The following KREMEN1 variants were observed in gnomAD, a reference collection of about 807,000 sequenced individuals.
The protein encoded by KREMEN1 is kringle containing transmembrane protein 1.
In KREMEN1, 30 loss-of-function variants were observed where a neutral mutation model predicts 46.5. The ratio of observed to expected loss-of-function variants is 0.65; its 90% confidence interval spans 0.48 to 0.88. The LOEUF is 0.88. Ranked by LOEUF, KREMEN1 falls within the 40% of genes least tolerant of loss-of-function variation. The pLI, the probability that KREMEN1 is intolerant of heterozygous loss-of-function variation, is 0.00. For synonymous variants in KREMEN1, 214 were observed against 230.6 expected (o/e 0.93, Z 0.65); for missense variants, 533 against 596.9 (o/e 0.89, Z 1.11).
At chr22:29,148,117 A>G (rs1055954941), downstream of KREMEN1, among the ~76,000 whole-genome samples, 2 of 152,180 alleles carry the variant, frequency 1.3e-5, no homozygotes, top group African/African-American at 4.8e-5. Context: ...AAGGAATGTA[A>G]AAGGAGCCAG....
At chr22:29,135,615 T>C (rs986149749) in intron 5 of KREMEN1, among the ~76,000 whole-genome samples, 16 of 152,138 alleles carry the variant, frequency 1.1e-4, no homozygotes, top group African/African-American at 3.9e-4. Flanking sequence ...AAGCACTGAG[T>C]GGAGGTCTGT....
In KREMEN1 at chr22:29,142,195, C is replaced by CA; in HGVS notation, c.*84dup. Reference sequence around the variant, plus strand: ...AACCTCTCCTGTGGTTCTTCTCTGACAGACTCTTCCCCTCCTCTCCCTCTG... The same window carrying CA: ...AACCTCTCCTGTGGTTCTTCTCTGACAAGACTCTTCCCCTCCTCTCCCTCTG... On this transcript the variant is annotated 3_prime_UTR_variant, in exon 9 of 9. Transcript: ENST00000400335. 1 of 1,447,370 alleles carries CA rather than the reference C, an allele frequency of 6.9e-7. No homozygotes were observed. The highest frequency in any genetic ancestry group is 9.1e-7 in the Non-Finnish European group (1 of 1,100,822). The allele number at this position is 1,447,370 out of a possible 1,614,324, so 89.7% of individuals were successfully genotyped here. A position where few individuals can be genotyped will look rare whatever the true frequency, so the allele number is the denominator to read the frequency against.
At chr22:29,131,550 ATATATATATATGTG>A (rs1436756368) in intron 5 of KREMEN1, among the ~76,000 whole-genome samples, 1 of 62,682 alleles carries the variant, frequency 1.6e-5, no homozygotes, top group African/African-American at 6.9e-5. Context: ...ATATATATAT[ATATATATATATGTG>A]TGTGTGTGTG....
chr22:29,111,690 A>G (rs1434953270), intron 3 of KREMEN1: 7 of 151,830 alleles, frequency 4.6e-5, no homozygotes, highest in Non-Finnish European at 7.4e-5. Context: ...TTAGGAAAAA[A>G]AAAAAAGGAG....
intron 1 of KREMEN1, among the ~76,000 whole-genome samples, chr22:29,076,725 G>A (rs2037578169): frequency 6.6e-6 from 1 of 152,142 alleles, no homozygotes; most frequent in Admixed American, 6.5e-5. Context: ...GGTGGCACGT[G>A]CCTGTAATCC....
At chr22:29,118,269 A>C (rs1226931805) in intron 3 of KREMEN1, among the ~76,000 whole-genome samples, 2 of 152,226 alleles carry the variant, frequency 1.3e-5, no homozygotes, top group Non-Finnish European at 2.9e-5. Context: ...AGCAAGATGA[A>C]GTCATAATCT....
chr22:29,084,793 T>C (rs2145744421), intron 1 of KREMEN1, among the ~76,000 whole-genome samples: 1 of 152,294 alleles, frequency 6.6e-6, no homozygotes, highest in East Asian at 1.9e-4. Flanking sequence ...CATCTCTTAG[T>C]AGAGATAGAT....
At position 29,138,751 on chromosome 22, in the gene KREMEN1, C is replaced by A. The variant is rs2038711586; in HGVS notation, c.1092C>A (p.Thr364=). Residue 364 remains threonine (T), a synonymous_variant, in exon 7 of 9, where the codon ACC becomes ACA. Coordinates refer to ENST00000400335, the MANE Select transcript of KREMEN1 (RefSeq NM_001039570.3). ...RSSKVLYVIT[T]SPSHPPQTVP... is the part of the protein sequence containing the mutation. Reference sequence around the variant, plus strand: ...CCAAAGTCCTCTATGTCATCACCACCAGCCCCAGCCACCCACCTCAGACTG... The same window carrying A: ...CCAAAGTCCTCTATGTCATCACCACAAGCCCCAGCCACCCACCTCAGACTG... The A allele has an allele frequency of 6.2e-7, 1 of 1,614,112 alleles. No individual in the cohort carries two copies. Among genetic ancestry groups the A allele is most frequent in the African/African-American group, 1.3e-5 (1 of 74,932 alleles).
In KREMEN1 at chr22:29,142,349, C is replaced by T. The variant is rs1173637793; in HGVS notation, c.*237C>T. The T allele has an allele frequency of 1.2e-5, 15 of 1,213,406 alleles. No individual in the cohort carries two copies. The highest frequency in any genetic ancestry group is 3.6e-5 in the East Asian group (1 of 27,580). The allele number at this position is 1,213,406 out of a possible 1,614,324, so 75.2% of individuals were successfully genotyped here. A position where few individuals can be genotyped will look rare whatever the true frequency, so the allele number is the denominator to read the frequency against. On this transcript the variant is annotated 3_prime_UTR_variant, in exon 9 of 9. Transcript: ENST00000400335. ...AGGAGAGAGACTCAAAGCCCTGGGG[C>T]CCGGCCCTCTCTGCATCTCTCTCTG... is the stretch of plus-strand genomic sequence containing the variant.
chr22:29,115,073 C>T (rs982656107), intron 3 of KREMEN1, among the ~76,000 whole-genome samples: 3 of 152,214 alleles, frequency 2.0e-5, no homozygotes, highest in African/African-American at 4.8e-5. Context: ...CACTTTCACT[C>T]TACCTTATTC....
At position 29,144,177 on chromosome 22, in the gene KREMEN1, C is replaced by T. The variant is rs892863873; in HGVS notation, c.*2065C>T. The T allele has an allele frequency of 4.1e-6, 4 of 985,532 alleles. No individual in the cohort carries two copies. The highest frequency in any genetic ancestry group is 1.2e-6 in the Non-Finnish European group (1 of 830,088). 61.0% of individuals were successfully genotyped at this position (985,532 alleles called of 1,614,324 possible). A position where few individuals can be genotyped will look rare whatever the true frequency, so the allele number is the denominator to read the frequency against. ...TGGCTTTGGCGTTTCCTCTTTGCAGCACTTTGCCTACCTCCCCCAAGCCCT... is the reference window on the plus strand; with the variant it reads ...TGGCTTTGGCGTTTCCTCTTTGCAGTACTTTGCCTACCTCCCCCAAGCCCT... On this transcript the variant is annotated 3_prime_UTR_variant, in exon 9 of 9. Coordinates refer to ENST00000400335, the MANE Select transcript of KREMEN1 (RefSeq NM_001039570.3).
At chr22:29,140,012 C>A (rs1420900753) in intron 7 of KREMEN1, among the ~76,000 whole-genome samples, 1 of 151,918 alleles carries the variant, frequency 6.6e-6, no homozygotes, top group Non-Finnish European at 1.5e-5. Context: ...GCATGTCATC[C>A]CTTTAGATTC....
At chr22:29,147,478 G>C (rs1331039920), downstream of KREMEN1, among the ~76,000 whole-genome samples, 2 of 152,230 alleles carry the variant, frequency 1.3e-5, no homozygotes, top group Admixed American at 1.3e-4. Context: ...CAGGCATGGA[G>C]AGGCTGTGGG....
At chr22:29,162,282 A>G (rs2039018336) in intron 9 of KREMEN1, among the ~76,000 whole-genome samples, 1 of 152,190 alleles carries the variant, frequency 6.6e-6, no homozygotes, top group Admixed American at 6.6e-5. Flanking sequence ...AATAAACTCC[A>G]ACATCCTTTC....
At chr22:29,100,864 TTG>T (rs1224599824) in intron 3 of KREMEN1, among the ~76,000 whole-genome samples, 1 of 152,224 alleles carries the variant, frequency 6.6e-6, no homozygotes, top group Non-Finnish European at 1.5e-5. Flanking sequence ...GCCTAGGTTA[TTG>T]TGTGTGTTTG....
At position 29,131,699 on chromosome 22, in the gene KREMEN1, T is replaced by C. The variant is rs5997445; in HGVS notation, c.632-5643T>C. Among the ~76,000 whole-genome samples, 197 of 120,918 alleles carry C rather than the reference T, an allele frequency of 1.6e-3. 1 individual carries two copies. Among genetic ancestry groups the C allele is most frequent in the African/African-American group, 6.6e-3 (182 of 27,588 alleles). 79.3% of individuals were successfully genotyped at this position (120,918 alleles called of 152,430 possible). On this transcript the variant is annotated intron_variant, in intron 5 of 8. Transcript: ENST00000400335. ...ATATGCATATATACATGTATATATG[T>C]GTATATATATGTATATATGTATATA...
chr22:29,122,724 G>A (rs1601791269), intron 4 of KREMEN1, among the ~76,000 whole-genome samples: 1 of 152,142 alleles, frequency 6.6e-6, no homozygotes, highest in East Asian at 1.9e-4. Context: ...TGGATCACGA[G>A]GTCAGGAGTT....
chr22:29,166,162 A>G (rs1323977927), intron 9 of KREMEN1, among the ~76,000 whole-genome samples: 1 of 151,788 alleles, frequency 6.6e-6, no homozygotes, highest in Non-Finnish European at 1.5e-5. Context: ...ACACACATGC[A>G]CACACATCCA....
chr22:29,137,806 T>C lies in KREMEN1; in HGVS notation c.964+132T>C, dbSNP rs2038694761. 6.4e-6 allele frequency: 4 copies of C among 627,180 alleles called. No individual in the cohort carries two copies. The Admixed American group carries it at 1.3e-4, about 20-fold the overall frequency. The allele number at this position is 627,180 out of a possible 1,614,324, so 38.9% of individuals were successfully genotyped here. On this transcript the variant is annotated intron_variant, in intron 6 of 8. Transcript: ENST00000400335. ...AGGAACTACTGACTCAACTTGCAGA[T>C]CACCCCGAGGCTGTGGCTCCTTCCC...
Sources: allele counts gnomAD v4.1 joint callset (sites outside exome capture counted in the v4.1 genomes callset), GRCh38; gene constraint gnomAD v4.1.1; transcripts MANE v1.5; gene names NCBI Gene and HGNC (gene_info 2026-07-23, HGNC 2026-07-21).